GALNTL6: variants seen among roughly 807,000 people sequenced by gnomAD.
The protein encoded by GALNTL6 is polypeptide N-acetylgalactosaminyltransferase-like 6.
GALNTL6 carries 46 observed loss-of-function variants against 73.7 expected under a neutral mutation model. The ratio of observed to expected loss-of-function variants is 0.62; its 90% CI spans 0.49 to 0.80. The LOEUF is 0.80. Ranked by LOEUF, GALNTL6 falls within the 30% of genes least tolerant of loss-of-function variation. The pLI is 0.00. For synonymous variants in GALNTL6, 259 were observed against 263.7 expected, an observed-to-expected ratio of 0.98 and a Z score of 0.17; for missense variants, 604 against 755.0, an observed-to-expected ratio of 0.80 and a Z score of 2.34.
chr4:172,384,526 GC>G (rs1243047616), intron 5 of GALNTL6, among the ~76,000 whole-genome samples: 1 of 151,046 alleles, frequency 6.6e-6, no homozygotes, highest in Non-Finnish European at 1.5e-5. Context: ...TAAAAGTCTG[GC>G]AATTTTGTTA....
intron 3 of GALNTL6, among the ~76,000 whole-genome samples, chr4:172,238,248 C>T (rs953745410): frequency 1.3e-5 from 2 of 152,028 alleles, no homozygotes; most frequent in African/African-American, 2.4e-5. Flanking sequence ...AGTGTTTTCC[C>T]ATTTGTTTAT....
At chr4:172,811,977 G>A (rs1279449218) in intron 6 of GALNTL6, among the ~76,000 whole-genome samples, 1 of 151,972 alleles carries the variant, frequency 6.6e-6, no homozygotes, top group African/African-American at 2.4e-5. Context: ...ATAAATAATT[G>A]TTGAAATATG....
At chr4:172,315,522 G>T (rs1740512268) in intron 4 of GALNTL6, among the ~76,000 whole-genome samples, 1 of 151,994 alleles carries the variant, frequency 6.6e-6, no homozygotes, top group Non-Finnish European at 1.5e-5. Context: ...AAGTGCTAGG[G>T]TTATAGGCAT....
intron 5 of GALNTL6, among the ~76,000 whole-genome samples, chr4:172,544,266 C>T (rs1283756563): frequency 6.6e-6 from 1 of 152,166 alleles, no homozygotes; most frequent in Non-Finnish European, 1.5e-5. Context: ...CTCTGGTTTT[C>T]CTGGTCTCAG....
chr4:172,405,717 C>T (rs1287354712), intron 5 of GALNTL6, among the ~76,000 whole-genome samples: 1 of 151,750 alleles, frequency 6.6e-6, no homozygotes, highest in Non-Finnish European at 1.5e-5. Flanking sequence ...TCCCTACCTT[C>T]ACCTTCAGAG....
chr4:172,354,513 G>A (rs1742081903), intron 5 of GALNTL6, among the ~76,000 whole-genome samples: 1 of 151,860 alleles, frequency 6.6e-6, no homozygotes, highest in African/African-American at 2.4e-5. Flanking sequence ...TGAATGTAAG[G>A]GAATCTGGGA....
chr4:172,213,605 T>C (rs937949691), intron 2 of GALNTL6, among the ~76,000 whole-genome samples: 1 of 151,964 alleles, frequency 6.6e-6, no homozygotes, highest in Non-Finnish European at 1.5e-5. Context: ...TGTTTATAAA[T>C]TGACTTATTT....
intron 3 of GALNTL6, among the ~76,000 whole-genome samples, chr4:172,263,224 T>G (rs1370651098): frequency 2.0e-5 from 3 of 151,490 alleles, no homozygotes; most frequent in African/African-American, 7.2e-5. Context: ...TTACAAACTT[T>G]TAGATTTCTC....
At chr4:172,105,679 A>G (rs1169953226) in intron 2 of GALNTL6, among the ~76,000 whole-genome samples, 3 of 152,158 alleles carry the variant, frequency 2.0e-5, no homozygotes, top group Non-Finnish European at 4.4e-5. Context: ...CTTAAATATG[A>G]TGAAATAATT....
intron 8 of GALNTL6, among the ~76,000 whole-genome samples, chr4:172,907,936 C>G (rs1193490557): frequency 6.6e-6 from 1 of 152,150 alleles, no homozygotes; most frequent in Non-Finnish European, 1.5e-5. Context: ...TGGCACATTT[C>G]AGTTGCCAGA....
chr4:172,498,093 C>A (rs1185037415), intron 5 of GALNTL6, among the ~76,000 whole-genome samples: 1 of 150,076 alleles, frequency 6.7e-6, no homozygotes, highest in African/African-American at 2.4e-5. Flanking sequence ...CAGGTTCCAG[C>A]GACTCTCCTG....
chr4:172,431,401 A>T (rs897638627), intron 5 of GALNTL6, among the ~76,000 whole-genome samples: 14 of 152,112 alleles, frequency 9.2e-5, no homozygotes, highest in African/African-American at 2.9e-4. Flanking sequence ...TTTTGATGAC[A>T]TTGTATTTAA....
chr4:172,366,687 ATCC>A (rs1742577099), intron 5 of GALNTL6, among the ~76,000 whole-genome samples: 1 of 152,112 alleles, frequency 6.6e-6, no homozygotes, highest in East Asian at 1.9e-4. Context: ...GTGAATAATC[ATCC>A]TCCTCCCCTC....
chr4:172,928,399 T>C (rs772007670), intron 8 of GALNTL6, among the ~76,000 whole-genome samples: 32 of 152,212 alleles, frequency 2.1e-4, no homozygotes, highest in Non-Finnish European at 4.0e-4. Flanking sequence ...GTAAAGTCTG[T>C]CATTGAATTG....
chr4:172,552,341 G>A (rs113459916), intron 5 of GALNTL6, among the ~76,000 whole-genome samples: 4,037 of 152,070 alleles, frequency 0.027, 83 homozygotes, highest in Middle Eastern at 0.095. Flanking sequence ...TAGCTAAATC[G>A]GAAAGTTCTA....
intron 4 of GALNTL6, among the ~76,000 whole-genome samples, chr4:172,329,135 T>A (rs1033137475): frequency 2.0e-5 from 3 of 152,142 alleles, no homozygotes; most frequent in African/African-American, 7.2e-5. Flanking sequence ...GTGGGTGCTC[T>A]GTGTTGGTGG....
chr4:172,329,214 C>G (rs1741043092), intron 4 of GALNTL6, among the ~76,000 whole-genome samples: 1 of 152,210 alleles, frequency 6.6e-6, no homozygotes, highest in Non-Finnish European at 1.5e-5. Flanking sequence ...GGCTGCAAGA[C>G]AGCAAAGATG....
intron 5 of GALNTL6, among the ~76,000 whole-genome samples, chr4:172,639,958 CT>C (rs1268509025): frequency 6.6e-6 from 1 of 151,956 alleles, no homozygotes; most frequent in Admixed American, 6.6e-5. Flanking sequence ...TTATTCCTGT[CT>C]TTTTTAAAAA....
chr4:172,143,185 G>A (rs1242687295), intron 2 of GALNTL6, among the ~76,000 whole-genome samples: 2 of 151,978 alleles, frequency 1.3e-5, no homozygotes, highest in Non-Finnish European at 2.9e-5. Context: ...TTGTTACTAT[G>A]TGGCTGGTAT....
Sources: gnomAD v4.1 joint callset for allele counts (sites outside exome capture counted in the v4.1 genomes callset) on GRCh38, gnomAD v4.1.1 for gene constraint, MANE v1.5 for transcripts, NCBI Gene and HGNC (gene_info 2026-07-23, HGNC 2026-07-21) for gene names.